Variants in TMEM132D observed in about 807,000 individuals in gnomAD.
The protein encoded by TMEM132D is transmembrane protein 132D, also known as mature OL transmembrane protein.
A neutral mutation model predicts 62.3 loss-of-function variants in TMEM132D; 21 were observed. The observed-to-expected ratio is 0.34, with a 90% CI of 0.24 to 0.49. TMEM132D has a LOEUF of 0.49. Among genes scored for constraint, TMEM132D ranks in the 20% least tolerant of loss-of-function variants. The probability of loss-of-function intolerance (pLI) is 0.99; values close to 1 mark genes in which losing one functional copy is unlikely to be tolerated. For missense variants in TMEM132D, 1,346 were observed against 1,402.8 expected, an observed-to-expected ratio of 0.96 and a Z score of 0.65; for synonymous variants, 621 against 575.6, an observed-to-expected ratio of 1.08 and a Z score of -1.13.
rs115847093 is a variant in TMEM132D at position 129,677,262 on chromosome 12, C to T, written c.968+22548G>A. Among the ~76,000 whole-genome samples the T allele has an allele frequency of 5.8e-3, 879 of 152,248 alleles. 11 individuals are homozygous for T. The highest frequency in any genetic ancestry group is 0.02 in the African/African-American group (833 of 41,548). On this transcript the variant is annotated intron_variant, in intron 2 of 8. Coordinates refer to ENST00000422113, the MANE Select transcript of TMEM132D (RefSeq NM_133448.3). ...TTCTCTTAATAGTGAATGAGTCTCACGAGATCTGATGGTTTTAAAACGAGG... is the reference window on the plus strand; with the variant it reads ...TTCTCTTAATAGTGAATGAGTCTCATGAGATCTGATGGTTTTAAAACGAGG...
intron 1 of TMEM132D, among the ~76,000 whole-genome samples, chr12:129,806,682 T>G (rs1871994171): frequency 6.6e-6 from 1 of 151,322 alleles, no homozygotes; most frequent in Non-Finnish European, 1.5e-5. Flanking sequence ...ACCCTAAAAC[T>G]TAAAGCATAA....
chr12:129,095,057 A>G (rs1398921721), intron 5 of TMEM132D, among the ~76,000 whole-genome samples: 1 of 151,860 alleles, frequency 6.6e-6, no homozygotes, highest in Non-Finnish European at 1.5e-5. Context: ...GGGGAAGGAT[A>G]GCATTAGGAG....
At chr12:129,276,192 A>G (rs982763836) in intron 4 of TMEM132D, among the ~76,000 whole-genome samples, 1 of 152,170 alleles carries the variant, frequency 6.6e-6, no homozygotes. Flanking sequence ...GGGGAAAATG[A>G]TACTTATGTA....
At chr12:129,581,181 C>T (rs984012273) in intron 2 of TMEM132D, among the ~76,000 whole-genome samples, 3 of 152,184 alleles carry the variant, frequency 2.0e-5, no homozygotes, top group Middle Eastern at 6.8e-3. Context: ...CCTCTCTTGC[C>T]CACGTGATCT....
intron 3 of TMEM132D, among the ~76,000 whole-genome samples, chr12:129,463,892 G>C (rs913363328): frequency 1.3e-5 from 2 of 150,626 alleles, no homozygotes; most frequent in African/African-American, 4.9e-5. Flanking sequence ...CATTTGGCTT[G>C]GTTCCAAGTC....
intron 1 of TMEM132D, among the ~76,000 whole-genome samples, chr12:129,730,849 G>A (rs536109208): frequency 2.6e-4 from 39 of 152,076 alleles, no homozygotes; most frequent in African/African-American, 8.4e-4. Flanking sequence ...AAGTTCTTCA[G>A]CTTTTGGGCT....
chr12:129,124,386 A>C (rs1876152104), intron 5 of TMEM132D, among the ~76,000 whole-genome samples: 1 of 152,206 alleles, frequency 6.6e-6, no homozygotes. Context: ...AACTCAGTGA[A>C]TCTTTATATC....
At chr12:129,813,080 G>A (rs180704420) in intron 1 of TMEM132D, among the ~76,000 whole-genome samples, 1 of 151,940 alleles carries the variant, frequency 6.6e-6, no homozygotes, top group Admixed American at 6.6e-5. Flanking sequence ...AGCAGAAATA[G>A]TTGAGTCATT....
intron 2 of TMEM132D, among the ~76,000 whole-genome samples, chr12:129,684,160 T>C (rs935526264): frequency 1.3e-5 from 2 of 152,100 alleles, no homozygotes; most frequent in Admixed American, 1.3e-4. Flanking sequence ...AAGGCAGATA[T>C]GGTTTGTCTG....
Position 129,074,938 on chromosome 12 carries a change from T to A in TMEM132D, c.2237A>T (p.His746Leu). Residue 746 changes from histidine to leucine, a missense_variant, in exon 9 of 9, where the codon CAC (histidine) becomes CTC (leucine). His to Leu is a moderately conservative substitution (Grantham distance 99). Coordinates refer to ENST00000422113, the MANE Select transcript of TMEM132D (RefSeq NM_133448.3). The stretch of plus-strand genomic sequence containing the variant: ...AGGCCACTTGAATTTGGGGTCTTGG[T>A]GGATGGAGACTACCTTCTCATCCAA... Reference protein sequence around the residue: ...TSLDEKVVSIHQDPKFKWPII... With the variant: ...TSLDEKVVSILQDPKFKWPII... The A allele has an allele frequency of 6.2e-7, 1 of 1,614,084 alleles. No individual in the cohort carries two copies. Among genetic ancestry groups the A allele is most frequent in the South Asian group, 1.1e-5 (1 of 91,056 alleles).
chr12:129,536,579 G>A (rs1044975864), intron 2 of TMEM132D, among the ~76,000 whole-genome samples: 3 of 152,174 alleles, frequency 2.0e-5, no homozygotes, highest in East Asian at 1.9e-4. Context: ...CTTCCAGCCC[G>A]ATCTGGACGT....
intron 5 of TMEM132D, among the ~76,000 whole-genome samples, chr12:129,132,381 A>G (rs1190363811): frequency 2.0e-5 from 3 of 152,202 alleles, no homozygotes; most frequent in Non-Finnish European, 2.9e-5. Context: ...AACAATTTCT[A>G]TTTCAAAGAC....
chr12:129,327,662 C>G (rs1371366956), intron 4 of TMEM132D, among the ~76,000 whole-genome samples: 2 of 152,146 alleles, frequency 1.3e-5, no homozygotes, highest in African/African-American at 4.8e-5. Context: ...GGAAATACAT[C>G]CTGACACCTT....
At chr12:129,123,368 G>A (rs1023499560) in intron 5 of TMEM132D, among the ~76,000 whole-genome samples, 2 of 151,958 alleles carry the variant, frequency 1.3e-5, no homozygotes, top group African/African-American at 2.4e-5. Flanking sequence ...GTAATTCCGT[G>A]TACATAATTT....
chr12:129,853,507 T>C (rs962262958), intron 1 of TMEM132D: 2 of 152,232 alleles, frequency 1.3e-5, no homozygotes, highest in African/African-American at 4.8e-5. Flanking sequence ...TACCTCCCTC[T>C]GCTTTAGTCT....
At chr12:129,291,470 G>T (rs751558547) in intron 4 of TMEM132D, among the ~76,000 whole-genome samples, 1 of 151,940 alleles carries the variant, frequency 6.6e-6, no homozygotes, top group Non-Finnish European at 1.5e-5. Context: ...ATGTCTTTTC[G>T]CCTGAAACTG....
At chr12:129,456,646 A>G (rs1873477160) in intron 3 of TMEM132D, among the ~76,000 whole-genome samples, 1 of 152,194 alleles carries the variant, frequency 6.6e-6, no homozygotes, top group South Asian at 2.1e-4. Context: ...GCCATAGGTA[A>G]CCATGTCTTC....
chr12:129,491,341 T>G (rs1359596612), intron 3 of TMEM132D, among the ~76,000 whole-genome samples: 1 of 151,728 alleles, frequency 6.6e-6, no homozygotes, highest in African/African-American at 2.4e-5. Flanking sequence ...TCACCAACAC[T>G]GTTTGGCTGT....
chr12:129,485,829 AGGAAGGTATATTTGTCATGGT>A (rs140674591), intron 3 of TMEM132D, among the ~76,000 whole-genome samples: 34,785 of 152,202 alleles, frequency 0.23, 3,947 homozygotes, highest in Middle Eastern at 0.26. Context: ...CTAGGTAGTT[AGGAAGGTATATTTGTCATGGT>A]GGGAGAACAG....
Sources: gnomAD v4.1 joint callset for allele counts (sites outside exome capture counted in the v4.1 genomes callset) on GRCh38, gnomAD v4.1.1 for gene constraint, MANE v1.5 for transcripts, NCBI Gene and HGNC (gene_info 2026-07-23, HGNC 2026-07-21) for gene names.